ZNF789: variants seen among roughly 807,000 people sequenced by gnomAD.
ZNF789 encodes the protein zinc finger protein 789.
A neutral mutation model predicts 15.6 loss-of-function variants in ZNF789; 11 were observed. That is an observed-to-expected ratio of 0.70 (90% CI 0.44 to 1.16). ZNF789 has a LOEUF of 1.16. Among genes scored for constraint, ZNF789 ranks in the 50% most tolerant of loss-of-function variants. ZNF789 has a pLI of 0.00. For synonymous variants in ZNF789, 159 were observed against 176.0 expected (o/e 0.90, Z 0.76); for missense variants, 461 against 512.6 (o/e 0.90, Z 0.97).
intron 3 of ZNF789, 62 bp downstream of exon 3, chr7:99,479,849 T>C (rs764652067): frequency 6.7e-6 from 10 of 1,501,364 alleles, no homozygotes; most frequent in Non-Finnish European, 8.9e-6. Flanking sequence ...AAGCCCTTAG[T>C]CCCTTATCTG....
chr7:99,476,405 C>T lies in ZNF789; in HGVS notation c.-52C>T, dbSNP rs1364085024. 6.3e-7 allele frequency: 1 copy of T among 1,595,480 alleles called. No individual in the cohort carries two copies. The highest frequency in any genetic ancestry group is 2.3e-5 in the East Asian group (1 of 43,070). On this transcript the variant is annotated splice_region_variant and 5_prime_UTR_variant, in exon 2 of 5. Coordinates refer to ENST00000331410, the MANE Select transcript of ZNF789 (RefSeq NM_213603.3). ...TACTGACTTTTTTTCTTCTCCAGCTCAGCCAGACGTCCAGGATCCCACCCC... is the reference window on the plus strand; with the variant it reads ...TACTGACTTTTTTTCTTCTCCAGCTTAGCCAGACGTCCAGGATCCCACCCC...
At chr7:99,474,962 G>A (rs1268864325) in intron 1 of ZNF789, among the ~76,000 whole-genome samples, 1 of 151,432 alleles carries the variant, frequency 6.6e-6, no homozygotes, top group Non-Finnish European at 1.5e-5. Flanking sequence ...TCCAGCCTGG[G>A]TGATAGAGGG....
intron 3 of ZNF789, chr7:99,480,515 T>C (rs1450803299): frequency 6.6e-6 from 1 of 152,200 alleles, no homozygotes; most frequent in Non-Finnish European, 1.5e-5. Context: ...AATAGTCGTG[T>C]TGTGTTAGGG....
In ZNF789 at chr7:99,486,540, G is replaced by A. The variant is rs746395367; in HGVS notation, c.330G>A (p.Glu110=). Residue 110 remains glutamate, a synonymous_variant, in exon 5 of 5, where the codon GAG becomes GAA. Transcript: ENST00000331410. The part of the protein sequence containing the change: ...TPKQKFSEDL[E]SYKISVVMQE... ...AACAGAAATTTTCTGAAGATTTAGAGTCATATAAGATATCAGTGGTAATGC... is the reference window on the plus strand; with the variant it reads ...AACAGAAATTTTCTGAAGATTTAGAATCATATAAGATATCAGTGGTAATGC... 1 of 1,613,998 alleles carries A rather than the reference G, an allele frequency of 6.2e-7. No individual in the cohort carries two copies. Among genetic ancestry groups the A allele is most frequent in the African/African-American group, 1.3e-5 (1 of 74,906 alleles).
chr7:99,479,511 C>T (rs1799507488), intron 2 of ZNF789, 150 bp from the exon 3 acceptor site: 9 of 898,774 alleles, frequency 1.0e-5, no homozygotes, highest in Non-Finnish European at 1.3e-5. Context: ...GGCCATCAGG[C>T]CTGAAAGGAG....
rs1271494535 is a variant in ZNF789 at position 99,478,375 on chromosome 7, C to T, written c.25-1286C>T. ...GATAATGGTGAGAAAGGGCCTGCAA[C>T]CGTAGCAGTGGAACTCAGGTTTGAT... On this transcript the variant is annotated intron_variant, in intron 2 of 4. Coordinates refer to ENST00000331410, the MANE Select transcript of ZNF789 (RefSeq NM_213603.3). The T allele has an allele frequency of 4.7e-6, 6 of 1,288,848 alleles. No homozygotes were observed. The East Asian group carries it at 1.7e-4, about 36-fold the overall frequency. The allele number at this position is 1,288,848 out of a possible 1,614,324, so 79.8% of individuals were successfully genotyped here.
chr7:99,486,928 C>T lies in ZNF789; in HGVS notation c.718C>T (p.Gln240Ter). ...TAAGGTCTGTGGGCAAGCCTTCAGA[C>T]AGCGGTCAGCTCTTACGGTCCATAA... The part of the protein sequence containing the change: ...ECKVCGQAFR[Q>*]RSALTVHKQC... Residue 240 changes from glutamine to a stop codon, truncating the protein, a stop_gained, in exon 5 of 5, where the codon CAG becomes TAG. Transcript: ENST00000331410. LOFTEE classifies it low-confidence loss of function (END_TRUNC). The T allele has an allele frequency of 6.2e-7, 1 of 1,614,168 alleles. No individual in the cohort carries two copies. Among genetic ancestry groups the T allele is most frequent in the Non-Finnish European group, 8.5e-7 (1 of 1,180,050 alleles).
At chr7:99,485,349 T>C in intron 4 of ZNF789, 1 of 848,050 alleles carries the variant, frequency 1.2e-6, no homozygotes, top group East Asian at 2.6e-5. Flanking sequence ...ATCCACTAGA[T>C]GCCAGTTGAA....
intron 4 of ZNF789, 45 bp downstream of exon 4, chr7:99,484,188 G>C: frequency 6.6e-7 from 1 of 1,507,470 alleles, no homozygotes; most frequent in Non-Finnish European, 9.2e-7. Flanking sequence ...GGAAGAGGAA[G>C]GGAAGGCATG....
chr7:99,474,047 C>T (rs972335469), intron 1 of ZNF789, among the ~76,000 whole-genome samples: 18 of 152,198 alleles, frequency 1.2e-4, no homozygotes, highest in Non-Finnish European at 2.1e-4. Flanking sequence ...AAATGCCTTA[C>T]ATGGCTGTGG....
At chr7:99,476,232 T>G in intron 1 of ZNF789, 171 bp from the exon 2 acceptor site, 20 of 532,072 alleles carry the variant, frequency 3.8e-5, no homozygotes, top group Middle Eastern at 4.6e-4. Flanking sequence ...AAATTGAAAT[T>G]ACTAGACTTA....
Position 99,476,446 on chromosome 7 carries a change from C to T in ZNF789, c.-11C>T. Reference sequence around the variant, plus strand: ...ATCCCACCCCTTGCAAAAGACCAGGCCGTGGAAGCCATGTTCCCACCAGCC... The same window carrying T: ...ATCCCACCCCTTGCAAAAGACCAGGTCGTGGAAGCCATGTTCCCACCAGCC... On this transcript the variant is annotated 5_prime_UTR_variant, in exon 2 of 5. Transcript: ENST00000331410. 6.2e-7 allele frequency: 1 copy of T among 1,609,904 alleles called. No homozygotes were observed. The highest frequency in any genetic ancestry group is 8.5e-7 in the Non-Finnish European group (1 of 1,178,478).
intron 3 of ZNF789, chr7:99,481,543 T>G (rs2151063619): frequency 6.5e-6 from 1 of 152,742 alleles, no homozygotes. Context: ...CCACAACCTC[T>G]GCCTCCCCGG....
At chr7:99,481,044 G>T (rs1387673944) in intron 3 of ZNF789, 1 of 152,334 alleles carries the variant, frequency 6.6e-6, no homozygotes, top group East Asian at 1.9e-4. Flanking sequence ...ATTTTGGAAG[G>T]TTTCCTGCCA....
At chr7:99,473,916 G>A (rs1432068082) in intron 1 of ZNF789, among the ~76,000 whole-genome samples, 1 of 152,130 alleles carries the variant, frequency 6.6e-6, no homozygotes, top group South Asian at 2.1e-4. Flanking sequence ...CACCACGCCC[G>A]GCCTGTTGTT....
intron 3 of ZNF789, among the ~76,000 whole-genome samples, chr7:99,483,289 G>C (rs1799744364): frequency 3.9e-5 from 6 of 152,088 alleles, no homozygotes; most frequent in Non-Finnish European, 2.9e-5. Flanking sequence ...GGGGGCGACA[G>C]AGCAGAGACT....
Position 99,487,438 on chromosome 7 carries a change from A to C in ZNF789, c.1228A>C (p.Thr410Pro). ...VICGKSFKWH[T>P]SFIKHQGTHK... Reference sequence around the variant, plus strand: ...ATGTGGAAAATCTTTCAAGTGGCACACAAGCTTTATTAAGCACCAGGGCAC... The same window carrying C: ...ATGTGGAAAATCTTTCAAGTGGCACCCAAGCTTTATTAAGCACCAGGGCAC... Residue 410 changes from threonine to proline, a missense_variant, in exon 5 of 5, where the codon ACA (threonine) becomes CCA (proline). Thr to Pro is a conservative substitution (Grantham distance 38, BLOSUM62 -1). Coordinates refer to ENST00000331410, the MANE Select transcript of ZNF789 (RefSeq NM_213603.3). 1.9e-6 allele frequency: 3 copies of C among 1,614,252 alleles called. No homozygotes were observed. Among genetic ancestry groups the C allele is most frequent in the Non-Finnish European group, 2.5e-6 (3 of 1,180,044 alleles).
chr7:99,485,354 G>A (rs1799877290), intron 4 of ZNF789: 1 of 792,988 alleles, frequency 1.3e-6, no homozygotes, highest in Non-Finnish European at 2.1e-6. Context: ...CTAGATGCCA[G>A]TTGAACCTCC....
In ZNF789 at chr7:99,487,467, C is replaced by A. The variant is rs1446725138; in HGVS notation, c.1257C>A (p.His419Gln). The A allele has an allele frequency of 6.2e-7, 1 of 1,613,472 alleles. No homozygotes were observed. Among genetic ancestry groups the A allele is most frequent in the Non-Finnish European group, 8.5e-7 (1 of 1,179,596 alleles). The part of the protein sequence containing the change: ...HTSFIKHQGT[H>Q]KGQIST ...GCTTTATTAAGCACCAGGGCACTCA[C>A]AAAGGACAGATATCCACATGATGTT... Residue 419 changes from histidine to glutamine, a missense_variant, in exon 5 of 5, where the codon CAC becomes CAA. His to Gln is a conservative substitution (Grantham distance 24). Coordinates refer to ENST00000331410, the MANE Select transcript of ZNF789 (RefSeq NM_213603.3).
Sources: allele counts gnomAD v4.1 joint callset (sites outside exome capture counted in the v4.1 genomes callset), GRCh38; gene constraint gnomAD v4.1.1; transcripts MANE v1.5; gene names NCBI Gene and HGNC (gene_info 2026-07-23, HGNC 2026-07-21).